Variants in JPH2 observed in about 807,000 individuals in gnomAD.
JPH2 encodes junctophilin 2, also known as junctophilin-2.
A neutral mutation model predicts 55.9 loss-of-function variants in JPH2; 38 were observed. The observed-to-expected ratio is 0.68, with a 90% confidence interval of 0.52 to 0.89. The LOEUF is 0.89. Among genes scored for constraint, JPH2 ranks in the 40% least tolerant of loss-of-function variants. JPH2 has a pLI of 0.00. For synonymous variants in JPH2, 480 were observed against 472.4 expected (o/e 1.02, Z -0.21); for missense variants, 964 against 1,037.6 (o/e 0.93, Z 0.97).
At chr20:44,117,347 C>T (rs544056608) in intron 3 of JPH2, among the ~76,000 whole-genome samples, 1 of 152,352 alleles carries the variant, frequency 6.6e-6, no homozygotes, top group African/African-American at 2.4e-5. Flanking sequence ...GTTCCCACCA[C>T]TCTATCCATG....
intron 2 of JPH2, among the ~76,000 whole-genome samples, chr20:44,122,146 C>G (rs1473519227): frequency 1.3e-5 from 2 of 152,204 alleles, no homozygotes; most frequent in African/African-American, 2.4e-5. Context: ...GATTCTAAAC[C>G]TGGAGCTGTC....
intron 2 of JPH2, among the ~76,000 whole-genome samples, chr20:44,142,139 C>G (rs972360976): frequency 4.6e-5 from 7 of 152,124 alleles, no homozygotes; most frequent in South Asian, 4.1e-4. Flanking sequence ...AGGATGTGTG[C>G]CCAGTTATGT....
intron 2 of JPH2, among the ~76,000 whole-genome samples, chr20:44,128,443 C>A (rs1031998147): frequency 6.6e-6 from 1 of 152,120 alleles, no homozygotes; most frequent in Non-Finnish European, 1.5e-5. Context: ...GTTGTAGAGT[C>A]TGCTAAGAGA....
At chr20:44,171,177 G>T (rs1046077109) in intron 1 of JPH2, among the ~76,000 whole-genome samples, 1 of 152,200 alleles carries the variant, frequency 6.6e-6, no homozygotes, top group Non-Finnish European at 1.5e-5. Flanking sequence ...GGGAGATTTA[G>T]CGGGGAGTGC....
At chr20:44,179,160 T>G (rs2072760027) in intron 1 of JPH2, among the ~76,000 whole-genome samples, 1 of 152,208 alleles carries the variant, frequency 6.6e-6, no homozygotes, top group Admixed American at 6.5e-5. Flanking sequence ...CCATACCCTG[T>G]TCTAAGAGCT....
At chr20:44,134,329 A>AATATTTATTAT (rs1362849017) in intron 2 of JPH2, among the ~76,000 whole-genome samples, 254 of 1,616 alleles carry the variant, frequency 0.16, 120 homozygotes, top group African/African-American at 0.49. Context: ...ATATATAATA[A>AATATTTATTAT]ATATATAATA....
intron 2 of JPH2, among the ~76,000 whole-genome samples, chr20:44,141,200 T>C (rs1386069006): frequency 6.6e-6 from 1 of 152,204 alleles, no homozygotes. Flanking sequence ...GCCTAATTTG[T>C]TCAGGGAAGC....
intron 2 of JPH2, among the ~76,000 whole-genome samples, chr20:44,151,740 C>T (rs6103656): frequency 0.2 from 30,123 of 152,060 alleles, 3,096 homozygotes; most frequent in Middle Eastern, 0.23. Context: ...TCTCACTCCA[C>T]CAGGCATTCA....
intron 1 of JPH2, among the ~76,000 whole-genome samples, chr20:44,172,443 C>T (rs560920077): frequency 3.3e-5 from 5 of 152,278 alleles, no homozygotes; most frequent in South Asian, 2.1e-4. Context: ...CCAGTAGGAG[C>T]TGGCTCTAGT....
At position 44,115,949 on chromosome 20, in the gene JPH2, G is replaced by T. The variant is rs956983036; in HGVS notation, c.1726C>A (p.Pro576Thr). 1 of 1,568,586 alleles carries T rather than the reference G, an allele frequency of 6.4e-7. No homozygotes were observed. Among genetic ancestry groups the T allele is most frequent in the Admixed American group, 1.8e-5 (1 of 55,106 alleles). Reference sequence around the variant, plus strand: ...TGGTCCTCAAAGGGTGGGGGCTCGGGCGGCGTGGTGCGCACAGCATAGCTG... The same window carrying T: ...TGGTCCTCAAAGGGTGGGGGCTCGGTCGGCGTGGTGCGCACAGCATAGCTG... Reference protein sequence around the residue: ...YHSYAVRTTPPEPPPFEDQPE... With the variant: ...YHSYAVRTTPTEPPPFEDQPE... Residue 576 changes from proline to threonine, a missense_variant, in exon 4 of 6, where the codon CCC becomes ACC. By Grantham distance (38) the Pro-to-Thr change is conservative. Transcript: ENST00000372980.
intron 1 of JPH2, among the ~76,000 whole-genome samples, chr20:44,170,992 C>T (rs748587645): frequency 6.6e-6 from 1 of 152,174 alleles, no homozygotes; most frequent in African/African-American, 2.4e-5. Flanking sequence ...CAGTAGTATC[C>T]TCCCTGCCCC....
Position 44,176,970 on chromosome 20 carries a change from G to A in JPH2, c.379+9357C>T, listed in dbSNP as rs951576960. 4 of 985,472 alleles carry A rather than the reference G, an allele frequency of 4.1e-6. No individual in the cohort carries two copies. In the South Asian group the frequency reaches 1.9e-4, roughly 46 times the overall value. 61.0% of individuals were successfully genotyped at this position (985,472 alleles called of 1,614,324 possible). Reference sequence around the variant, plus strand: ...CCACAGCAATGGGCAGCCAGCAGTGGCAGGAAGACCTCCAGGCACAAGGTG... The same window carrying A: ...CCACAGCAATGGGCAGCCAGCAGTGACAGGAAGACCTCCAGGCACAAGGTG... On this transcript the variant is annotated intron_variant, in intron 1 of 5. Transcript: ENST00000372980.
At chr20:44,179,334 AT>A (rs764143273) in intron 1 of JPH2, among the ~76,000 whole-genome samples, 11 of 152,078 alleles carry the variant, frequency 7.2e-5, no homozygotes, top group African/African-American at 1.4e-4. Flanking sequence ...TAAAATACAT[AT>A]TTTTTTGCAT....
chr20:44,159,821 C>T lies in JPH2; in HGVS notation c.966G>A (p.Leu322=). Residue 322 remains leucine, a synonymous_variant, in exon 2 of 6, where the codon CTG becomes CTA. Coordinates refer to ENST00000372980, the MANE Select transcript of JPH2 (RefSeq NM_020433.5). The surrounding 1 kb of genome is among the most constrained non-coding windows in gnomAD (Gnocchi z 5.7). ...LRYEGEWLDN[L]RHGYGCTTLP... ...GCGTGGTGCAGCCATAGCCGTGGCG[C>T]AGGTTGTCCAGCCACTCGCCCTCGT... 6.2e-7 allele frequency: 1 copy of T among 1,613,456 alleles called. No individual in the cohort carries two copies.
intron 1 of JPH2, among the ~76,000 whole-genome samples, chr20:44,172,891 G>A (rs1238668271): frequency 6.6e-6 from 1 of 152,098 alleles, no homozygotes; most frequent in Non-Finnish European, 1.5e-5. Context: ...TTTCAATCCT[G>A]AGAAGGTCAC....
chr20:44,134,882 ATATATTAATATATATTTATAT>A (rs1569195794), intron 2 of JPH2, among the ~76,000 whole-genome samples: 21 of 47,918 alleles, frequency 4.4e-4, no homozygotes, highest in South Asian at 1.3e-3. Context: ...ATATTTATAT[ATATATTAATATATATTTATAT>A]ATATATATAA....
intron 2 of JPH2, among the ~76,000 whole-genome samples, chr20:44,131,791 C>A (rs2072321151): frequency 6.6e-6 from 1 of 152,152 alleles, no homozygotes; most frequent in Non-Finnish European, 1.5e-5. Flanking sequence ...GTGTGATCAA[C>A]AGATATACTC....
At chr20:44,126,203 G>A (rs1476636828) in intron 2 of JPH2, among the ~76,000 whole-genome samples, 5 of 117,544 alleles carry the variant, frequency 4.3e-5, no homozygotes, top group Non-Finnish European at 8.6e-5. Context: ...AGGAAGGAAG[G>A]AAGAAGGGGG....
At chr20:44,184,771 A>G (rs2072818060) in intron 1 of JPH2, among the ~76,000 whole-genome samples, 1 of 152,112 alleles carries the variant, frequency 6.6e-6, no homozygotes, top group Admixed American at 6.5e-5. Flanking sequence ...TCTCTGCCCC[A>G]TGCCCACCCT....
Sources: allele counts gnomAD v4.1 joint callset (sites outside exome capture counted in the v4.1 genomes callset), GRCh38; gene constraint gnomAD v4.1.1; non-coding constraint Gnocchi (gnomAD v3.1); transcripts MANE v1.5; gene names NCBI Gene and HGNC (gene_info 2026-07-23, HGNC 2026-07-21).